CIAO2B: variants seen among roughly 807,000 people sequenced by gnomAD.
CIAO2B encodes the protein MSS19-interacting protein of 18 kDa.
Under a neutral mutation model 16.4 loss-of-function variants are expected in CIAO2B, and 20 were observed. That is an observed-to-expected ratio of 1.22 (90% confidence interval 0.86 to 1.77). The LOEUF is 1.77. Among genes scored for constraint, CIAO2B ranks in the 40% most tolerant of loss-of-function variants. The pLI, the probability that CIAO2B is intolerant of heterozygous loss-of-function variation, is 0.00. For missense variants in CIAO2B, 215 were observed against 222.4 expected, an observed-to-expected ratio of 0.97 and a Z score of 0.21; for synonymous variants, 106 against 90.4, an observed-to-expected ratio of 1.17 and a Z score of -0.98.
rs375310720 is a variant in CIAO2B, at chr16:66,932,290, T to C, written c.405A>G (p.Gln135=). The C allele has an allele frequency of 2.5e-5, 41 of 1,613,628 alleles. No individual in the cohort carries two copies. The South Asian group carries it at 2.9e-4, about 11-fold the overall frequency. The change falls in exon 5 of 5, where the codon CAA becomes CAG. Residue 135 remains glutamine, a synonymous_variant. Transcript: ENST00000422424. ...THASEHAVNK[Q]LADKERVAAA... Reference sequence around the variant, plus strand: ...CTGCCACCCGCTCCTTATCTGCAAGTTGCTTGTTCACTAGGTGGGAAGAAG... The same window carrying C: ...CTGCCACCCGCTCCTTATCTGCAAGCTGCTTGTTCACTAGGTGGGAAGAAG...
chr16:66,933,224 G>C (rs1016195874), intron 3 of CIAO2B, among the ~76,000 whole-genome samples: 1 of 152,018 alleles, frequency 6.6e-6, no homozygotes, highest in Non-Finnish European at 1.5e-5. Context: ...CCTAACCTCA[G>C]ATGATCCACC....
At chr16:66,932,957 G>C in intron 3 of CIAO2B, 132 bp from the exon 4 acceptor site, 5 of 931,218 alleles carry the variant, frequency 5.4e-6, no homozygotes, top group Non-Finnish European at 8.3e-6. Flanking sequence ...TGGCCCTTCC[G>C]TTACACCCCA....
Position 66,934,245 on chromosome 16 carries a change from G to T in CIAO2B, c.120C>A (p.Ser40Arg). The change falls in exon 1 of 5, where the codon AGC (serine) becomes AGA (arginine). Residue 40 changes from serine (S) to arginine (R), a missense_variant. By Grantham distance (110) the Ser-to-Arg change is moderately radical. Coordinates refer to ENST00000422424, the MANE Select transcript of CIAO2B (RefSeq NM_016062.4). This position sits in a 1 kb window ranked among gnomAD's most constrained non-coding sequence, Gnocchi z 4.1. ...TATCGAAGATCTCGCGTGCGTCGAT[G>T]CTGTCGGGAACCTGCTCGTCCTCCT... is the stretch of plus-strand genomic sequence containing the variant. ...AGEEDEQVPDSIDAREIFDLI... is the reference protein window; with the variant it reads ...AGEEDEQVPDRIDAREIFDLI... 1 of 1,609,788 alleles carries T rather than the reference G, an allele frequency of 6.2e-7. No homozygotes were observed.
At chr16:66,932,601 G>A in intron 4 of CIAO2B, 179 bp downstream of exon 4, 1 of 773,288 alleles carries the variant, frequency 1.3e-6, no homozygotes, top group Admixed American at 2.0e-5. Context: ...GGTAAGCAAA[G>A]GAGAGTCTTC....
In CIAO2B at chr16:66,934,388, T is replaced by C. The variant is rs1963145809; in HGVS notation, c.-24A>G. 1 of 1,504,122 alleles carries C rather than the reference T, an allele frequency of 6.6e-7. No individual in the cohort carries two copies. Among genetic ancestry groups the C allele is most frequent in the Non-Finnish European group, 8.8e-7 (1 of 1,131,908 alleles). 93.2% of individuals were successfully genotyped at this position (1,504,122 alleles called of 1,614,324 possible). On this transcript the variant is annotated 5_prime_UTR_variant, in exon 1 of 5. Transcript: ENST00000422424. The surrounding 1 kb of genome is among the most constrained non-coding windows in gnomAD (Gnocchi z 4.1). ...ATCGCGGAACCACCACCGCTGATCC[T>C]AGCAGGCGTGCGCTTCCGCTCCAAC... is the stretch of plus-strand genomic sequence containing the variant.
Position 66,932,876 on chromosome 16 carries a change from T to C in CIAO2B, c.349-51A>G. 5.0e-6 allele frequency: 8 copies of C among 1,595,318 alleles called. No individual in the cohort carries two copies. The South Asian group carries it at 7.9e-5, about 16-fold the overall frequency. ...AACACCCACCCACCGACCCACACTTTTCCCTGCAGCCCCCAGACCCTCAGG... is the reference window on the plus strand; with the variant it reads ...AACACCCACCCACCGACCCACACTTCTCCCTGCAGCCCCCAGACCCTCAGG... On this transcript the variant is annotated intron_variant, in intron 3 of 4. Transcript: ENST00000422424.
rs762093458 is a variant in CIAO2B at position 66,933,657 on chromosome 16, G to A, written c.305C>T (p.Ser102Phe). The A allele has an allele frequency of 6.2e-7, 1 of 1,607,758 alleles. No homozygotes were observed. Among genetic ancestry groups the A allele is most frequent in the South Asian group, 1.1e-5 (1 of 89,764 alleles). ...HCSMATLIGL[S>F]IKVKLLRSLP... is the part of the protein sequence containing the mutation. ...GGAGCGCAGAAGCTTGACCTTGATG[G>A]ACAGACCAATAAGGGTGGCCATGCT... Residue 102 changes from serine to phenylalanine, a missense_variant, in exon 3 of 5, where the codon TCC becomes TTC. Ser to Phe is a radical substitution (Grantham distance 155). Transcript: ENST00000422424.
In CIAO2B at chr16:66,932,145, C is replaced by A. The variant is rs368507023; in HGVS notation, c.*58G>T. 3.8e-5 allele frequency: 50 copies of A among 1,328,808 alleles called. No homozygotes were observed. The African/African-American group carries it at 4.5e-4, about 12-fold the overall frequency. 82.3% of individuals were successfully genotyped at this position (1,328,808 alleles called of 1,614,324 possible). On this transcript the variant is annotated 3_prime_UTR_variant, in exon 5 of 5. Transcript: ENST00000422424. Reference sequence around the variant, plus strand: ...GATTCAAGAAAACAACGGTAACAGCCCTGGCAGGAGCTGGGACCAGGATAC... The same window carrying A: ...GATTCAAGAAAACAACGGTAACAGCACTGGCAGGAGCTGGGACCAGGATAC...
chr16:66,933,643 G>A lies in CIAO2B; in HGVS notation c.319C>T (p.Leu107Phe), dbSNP rs1334940442. The change falls in exon 3 of 5, where the codon CTT becomes TTT. Residue 107 changes from leucine (L) to phenylalanine (F), a missense_variant. Coordinates refer to ENST00000422424, the MANE Select transcript of CIAO2B (RefSeq NM_016062.4). Reference sequence around the variant, plus strand: ...AAACGCTGAGGAAGGGAGCGCAGAAGCTTGACCTTGATGGACAGACCAATA... The same window carrying A: ...AAACGCTGAGGAAGGGAGCGCAGAAACTTGACCTTGATGGACAGACCAATA... ...TLIGLSIKVK[L>F]LRSLPQRFKM... The A allele has an allele frequency of 1.2e-6, 2 of 1,608,710 alleles. No homozygotes were observed. Among genetic ancestry groups the A allele is most frequent in the Non-Finnish European group, 1.7e-6 (2 of 1,177,632 alleles).
chr16:66,933,727 C>T lies in CIAO2B; in HGVS notation c.235G>A (p.Glu79Lys), dbSNP rs1296331414. 5 of 1,562,710 alleles carry T rather than the reference C, an allele frequency of 3.2e-6. No homozygotes were observed. The Admixed American group carries it at 7.7e-5, about 24-fold the overall frequency. Reference sequence around the variant, plus strand: ...GTGAAAGCCACAGCCACTGTACTCTCGGGGTCGCTAACCTGGTTGTGGAGG... The same window carrying T: ...GTGAAAGCCACAGCCACTGTACTCTTGGGGTCGCTAACCTGGTTGTGGAGG... ...EQVRVQVSDP[E>K]STVAVAFTPT... Residue 79 changes from glutamate (E) to lysine (K), a missense_variant, in exon 3 of 5, where the codon GAG (glutamate) becomes AAG (lysine). Transcript: ENST00000422424.
intron 2 of CIAO2B, 48 bp from the exon 3 acceptor site, chr16:66,933,787 G>A (rs1319669028): frequency 1.0e-5 from 16 of 1,547,762 alleles, no homozygotes; most frequent in East Asian, 9.8e-5. Context: ...TCAGCCCAAG[G>A]TCCCTCTTCT....
rs1411053424 is a variant in CIAO2B at position 66,934,019 on chromosome 16, C to T, written c.190G>A (p.Glu64Lys). The T allele has an allele frequency of 2.5e-6, 4 of 1,613,824 alleles. No individual in the cohort carries two copies. The highest frequency in any genetic ancestry group is 1.7e-5 in the Admixed American group (1 of 60,014). ...NDPEHPLTLE[E>K]LNVVEQVRVQ... ...CGCACCTGCTCTACTACGTTCAACT[C>T]CTCTAGCGTCAGTGGATGCTCCGGG... is the stretch of plus-strand genomic sequence containing the variant. The change falls in exon 2 of 5, where the codon GAG (glutamate) becomes AAG (lysine). Residue 64 changes from glutamate (E) to lysine (K), a missense_variant. Coordinates refer to ENST00000422424, the MANE Select transcript of CIAO2B (RefSeq NM_016062.4). This position sits in a 1 kb window ranked among gnomAD's most constrained non-coding sequence, Gnocchi z 4.1.
chr16:66,932,708 T>C (rs1963080412), intron 4 of CIAO2B, 72 bp downstream of exon 4: 1 of 1,531,978 alleles, frequency 6.5e-7, no homozygotes, highest in Non-Finnish European at 8.9e-7. Flanking sequence ...CATAGACTCC[T>C]GTGCAAGGGG....
intron 2 of CIAO2B, 29 bp from the exon 3 acceptor site, chr16:66,933,768 C>T (rs1472419735): frequency 6.4e-7 from 1 of 1,551,286 alleles, no homozygotes; most frequent in Admixed American, 2.0e-5. Context: ...TGTCAAGAGT[C>T]AACCACCCTC....
Position 66,934,297 on chromosome 16 carries a change from G to A in CIAO2B, c.68C>T (p.Ser23Phe), listed in dbSNP as rs1963140731. The change falls in exon 1 of 5, where the codon TCT (serine) becomes TTT (phenylalanine). Residue 23 changes from serine to phenylalanine, a missense_variant. Coordinates refer to ENST00000422424, the MANE Select transcript of CIAO2B (RefSeq NM_016062.4). The surrounding 1 kb of genome is among the most constrained non-coding windows in gnomAD (Gnocchi z 4.1). ...ENANPLIYQR[S>F]GERPVTAGEE... ...GCCTGCCGTCACAGGCCGCTCCCCA[G>A]AGCGCTGGTAGATGAGGGGGTTGGC... is the stretch of plus-strand genomic sequence containing the variant. The A allele has an allele frequency of 2.5e-6, 4 of 1,607,810 alleles. No individual in the cohort carries two copies. The highest frequency in any genetic ancestry group is 2.5e-6 in the Non-Finnish European group (3 of 1,179,346).
Position 66,934,347 on chromosome 16 carries a change from C to CCCGCCGCCGCCT in CIAO2B, c.6_17dup (p.Gly3_Gly6dup). The CCCGCCGCCGCCT allele has an allele frequency of 6.4e-7, 1 of 1,568,726 alleles. No homozygotes were observed. Among genetic ancestry groups the CCCGCCGCCGCCT allele is most frequent in the South Asian group, 1.2e-5 (1 of 86,732 alleles). On this transcript the variant is annotated inframe_insertion, in exon 1 of 5. Coordinates refer to ENST00000422424, the MANE Select transcript of CIAO2B (RefSeq NM_016062.4). The surrounding 1 kb of genome is among the most constrained non-coding windows in gnomAD (Gnocchi z 4.1). ...CATTCTCCAGGAGGCCGCCGCCGAC[C>CCCGCCGCCGCCT]CCGCCGCCGCCTACCATCGCGGAAC...
chr16:66,932,966 C>A, intron 3 of CIAO2B, 141 bp from the exon 4 acceptor site: 1 of 822,310 alleles, frequency 1.2e-6, no homozygotes, highest in Non-Finnish European at 2.0e-6. Flanking sequence ...CGTTACACCC[C>A]AAACCCATCC....
intron 3 of CIAO2B, among the ~76,000 whole-genome samples, chr16:66,933,177 T>A (rs909921325): frequency 2.6e-5 from 4 of 151,800 alleles, no homozygotes; most frequent in African/African-American, 9.7e-5. Flanking sequence ...TTAGTAGAGA[T>A]GAGATTTCAC....
chr16:66,933,605 C>T lies in CIAO2B; in HGVS notation c.348+9G>A, dbSNP rs746793263. ...CTGGTCTCACTCCCGGGGCTCAGCT[C>T]CAACTGACCTTGAAACGCTGAGGAA... On this transcript the variant is annotated intron_variant, in intron 3 of 4. Coordinates refer to ENST00000422424, the MANE Select transcript of CIAO2B (RefSeq NM_016062.4). 40 of 1,608,914 alleles carry T rather than the reference C, an allele frequency of 2.5e-5. No homozygotes were observed. Among genetic ancestry groups the T allele is most frequent in the Middle Eastern group, 3.4e-4 (2 of 5,862 alleles).
Sources: allele counts gnomAD v4.1 joint callset (sites outside exome capture counted in the v4.1 genomes callset), GRCh38; gene constraint gnomAD v4.1.1; non-coding constraint Gnocchi (gnomAD v3.1); transcripts MANE v1.5; gene names NCBI Gene and HGNC (gene_info 2026-07-23, HGNC 2026-07-21).